RUNX1: variants seen among roughly 807,000 people sequenced by gnomAD.
RUNX1 encodes runt-related transcription factor 1.
RUNX1 carries 19 observed loss-of-function variants against 42.8 expected under a neutral mutation model. The observed-to-expected ratio is 0.44, with a 90% CI of 0.31 to 0.65. The LOEUF (loss-of-function observed/expected upper bound fraction) is 0.65, where lower values mean the gene tolerates loss of function less well. Among genes scored for constraint, RUNX1 ranks in the 30% least tolerant of loss-of-function variants. The probability of loss-of-function intolerance (pLI) is 0.07; values close to 1 mark genes in which losing one functional copy is unlikely to be tolerated. For synonymous variants in RUNX1, 271 were observed against 289.4 expected (o/e 0.94, Z 0.64); for missense variants, 528 against 672.0 (o/e 0.79, Z 2.37).
intron 2 of RUNX1, among the ~76,000 whole-genome samples, chr21:34,944,753 C>A (rs1001811276): frequency 3.9e-5 from 6 of 152,094 alleles, no homozygotes; most frequent in Middle Eastern, 3.4e-3. Flanking sequence ...CATGTTGTGG[C>A]CATTAATAGG....
chr21:34,804,742 CTTTTTT>C (rs58321227), intron 7 of RUNX1, among the ~76,000 whole-genome samples: 1 of 132,656 alleles, frequency 7.5e-6, no homozygotes, highest in Non-Finnish European at 1.6e-5. Context: ...GAGATGGAAA[CTTTTTT>C]TTTTTTTTTT....
intron 7 of RUNX1, among the ~76,000 whole-genome samples, chr21:34,827,282 G>A (rs2057001147): frequency 6.6e-6 from 1 of 152,184 alleles, no homozygotes; most frequent in Non-Finnish European, 1.5e-5. Context: ...AAAGCATTGA[G>A]GCTGCTGTGT....
rs113766536 is a variant in RUNX1, at chr21:34,910,788, CT to C, written c.59-17826del. On this transcript the variant is annotated intron_variant, in intron 2 of 8. Coordinates refer to ENST00000675419, the MANE Select transcript of RUNX1 (RefSeq NM_001754.5). The stretch of plus-strand genomic sequence containing the variant: ...TTTTTGTCGTTATGTTATTGTTGTT[CT>C]TTTTTTTTTTGAAACAAGGTCTCAC... 2.6e-3 allele frequency among the ~76,000 whole-genome samples: 376 copies of C among 146,562 alleles called. 1 individual carries two copies. Among genetic ancestry groups the C allele is most frequent in the African/African-American group, 6.8e-3 (275 of 40,240 alleles).
intron 8 of RUNX1, among the ~76,000 whole-genome samples, chr21:34,797,104 GT>G (rs1405526921): frequency 6.6e-6 from 1 of 152,222 alleles, no homozygotes; most frequent in Non-Finnish European, 1.5e-5. Flanking sequence ...TTTCAGGCCT[GT>G]GCTCCAGGCT....
intron 4 of RUNX1, among the ~76,000 whole-genome samples, chr21:34,883,622 C>A (rs1942310325): frequency 6.6e-6 from 1 of 152,116 alleles, no homozygotes; most frequent in Non-Finnish European, 1.5e-5. Flanking sequence ...ACCAAACAGG[C>A]AAGAAGGGAC....
intron 2 of RUNX1, among the ~76,000 whole-genome samples, chr21:34,985,562 G>C (rs1170080924): frequency 4.6e-5 from 7 of 152,110 alleles, no homozygotes; most frequent in African/African-American, 1.7e-4. Flanking sequence ...CACTCTCAGG[G>C]CAACCACACA....
chr21:34,889,956 G>A (rs1051845443), intron 3 of RUNX1: 3 of 662,240 alleles, frequency 4.5e-6, no homozygotes, highest in Non-Finnish European at 5.6e-6. Flanking sequence ...CTGCTTTGTG[G>A]TCCCCGCGGA....
intron 6 of RUNX1, among the ~76,000 whole-genome samples, chr21:34,852,881 C>A (rs369204756): frequency 2.0e-5 from 3 of 152,228 alleles, no homozygotes; most frequent in Non-Finnish European, 1.5e-5. Flanking sequence ...GTGAGCAATG[C>A]GATTGTGGAT....
chr21:34,992,007 G>C (rs1303395626), intron 2 of RUNX1, among the ~76,000 whole-genome samples: 1 of 152,204 alleles, frequency 6.6e-6, no homozygotes, highest in Non-Finnish European at 1.5e-5. Context: ...CCTGCACAGG[G>C]AGCAAGGGCC....
intron 2 of RUNX1, among the ~76,000 whole-genome samples, chr21:34,942,293 T>C (rs1490095576): frequency 6.6e-6 from 1 of 151,780 alleles, no homozygotes; most frequent in Non-Finnish European, 1.5e-5. Flanking sequence ...ACTGCATTTT[T>C]GGACTTTCTC....
At chr21:34,809,130 C>A (rs764571702) in intron 7 of RUNX1, among the ~76,000 whole-genome samples, 2 of 152,144 alleles carry the variant, frequency 1.3e-5, no homozygotes, top group African/African-American at 2.4e-5. Flanking sequence ...ACTTTCCAGG[C>A]CTGAAGGAGC....
chr21:34,928,671 C>A (rs1173295127), intron 2 of RUNX1, among the ~76,000 whole-genome samples: 1 of 144,682 alleles, frequency 6.9e-6, no homozygotes, highest in Admixed American at 6.8e-5. Flanking sequence ...CAGAGTGCGA[C>A]TCCATCTTAA....
chr21:34,938,887 T>A (rs972604419), intron 2 of RUNX1, among the ~76,000 whole-genome samples: 1 of 152,186 alleles, frequency 6.6e-6, no homozygotes, highest in Non-Finnish European at 1.5e-5. Flanking sequence ...TAAAATGTGA[T>A]CTTGGTTTTG....
rs189104610 is a variant in RUNX1, at chr21:35,024,684, G to T, written c.58+24158C>A. Among the ~76,000 whole-genome samples, 277 of 152,282 alleles carry T rather than the reference G, an allele frequency of 1.8e-3. 2 individuals carry two copies. The highest frequency in any genetic ancestry group is 6.8e-3 in the Middle Eastern group (2 of 294). On this transcript the variant is annotated intron_variant, in intron 2 of 8. Transcript: ENST00000675419. Reference sequence around the variant, plus strand: ...AGGCTTTTATTTTCTTTTTAACTAGGTGTGACTAATTTGGAGATTACTTTT... The same window carrying T: ...AGGCTTTTATTTTCTTTTTAACTAGTTGTGACTAATTTGGAGATTACTTTT...
intron 2 of RUNX1, among the ~76,000 whole-genome samples, chr21:34,911,415 C>A (rs1488090537): frequency 6.6e-6 from 1 of 152,126 alleles, no homozygotes; most frequent in Non-Finnish European, 1.5e-5. Context: ...AATGGGAGAT[C>A]CACCAAGGTG....
chr21:34,896,062 A>G (rs2146467158), intron 2 of RUNX1, among the ~76,000 whole-genome samples: 1 of 152,206 alleles, frequency 6.6e-6, no homozygotes, highest in Admixed American at 6.5e-5. Flanking sequence ...AGAAGACCAG[A>G]AACAGCGGGT....
intron 2 of RUNX1, among the ~76,000 whole-genome samples, chr21:34,966,237 C>T (rs1015537005): frequency 6.6e-5 from 10 of 152,124 alleles, no homozygotes; most frequent in Non-Finnish European, 1.0e-4. Flanking sequence ...TATCTAAGTC[C>T]AAACGTTGTT....
In RUNX1 at chr21:35,009,959, G is replaced by A. The variant is rs538744902; in HGVS notation, c.58+38883C>T. On this transcript the variant is annotated intron_variant, in intron 2 of 8. Transcript: ENST00000675419. ...TAAGGTCCTATCAGTTGATGCTGAA[G>A]CTGTGTTAGACAAATCACACGCTGG... is the stretch of plus-strand genomic sequence containing the variant. Among the ~76,000 whole-genome samples, 5 of 152,296 alleles carry A rather than the reference G, an allele frequency of 3.3e-5. No homozygotes were observed. The East Asian group carries it at 9.6e-4, about 29-fold the overall frequency.
At chr21:34,869,965 G>A (rs1309441211) in intron 5 of RUNX1, among the ~76,000 whole-genome samples, 1 of 152,168 alleles carries the variant, frequency 6.6e-6, no homozygotes, top group African/African-American at 2.4e-5. Flanking sequence ...CAAAAGAGTT[G>A]GAAAGGCTGA....
Sources: gnomAD v4.1 joint callset for allele counts (sites outside exome capture counted in the v4.1 genomes callset) on GRCh38, gnomAD v4.1.1 for gene constraint, MANE v1.5 for transcripts, NCBI Gene and HGNC (gene_info 2026-07-23, HGNC 2026-07-21) for gene names.